COL26A1: variants seen among roughly 807,000 people sequenced by gnomAD.
The protein encoded by COL26A1 is collagen alpha-1(XXVI) chain.
In COL26A1, 41 loss-of-function variants were observed where a neutral mutation model predicts 59.3. That is an observed-to-expected ratio of 0.69 (90% confidence interval 0.54 to 0.90). The LOEUF (loss-of-function observed/expected upper bound fraction) is 0.90, where lower values mean the gene tolerates loss of function less well. Among genes scored for constraint, COL26A1 ranks in the 40% least tolerant of loss-of-function variants. COL26A1 has a pLI of 0.00. For missense variants in COL26A1, 612 were observed against 602.3 expected (o/e 1.02, Z -0.17); for synonymous variants, 266 against 256.0 (o/e 1.04, Z -0.37).
intron 3 of COL26A1, 131 bp downstream of exon 3, chr7:101,447,918 G>T (rs879151438): frequency 3.0e-6 from 2 of 657,576 alleles, no homozygotes; most frequent in Admixed American, 2.3e-5. Flanking sequence ...TTTCCCAATC[G>T]CCTCTGAAGC....
At chr7:101,544,223 G>A (rs563110409) in intron 6 of COL26A1, 127 bp downstream of exon 6, 1 of 665,506 alleles carries the variant, frequency 1.5e-6, no homozygotes. Context: ...CAGAAAAACG[G>A]GGTCTTTTTT....
chr7:101,527,809 C>T (rs1331338617), intron 3 of COL26A1, among the ~76,000 whole-genome samples: 1 of 151,970 alleles, frequency 6.6e-6, no homozygotes, highest in Non-Finnish European at 1.5e-5. Flanking sequence ...AGTGTGTTCT[C>T]GGAGGGGCCA....
At position 101,553,626 on chromosome 7, in the gene COL26A1, TG is replaced by T. The variant is rs565739948; in HGVS notation, c.1080+257del. On this transcript the variant is annotated intron_variant, in intron 11 of 12. Transcript: ENST00000313669. Reference sequence around the variant, plus strand: ...TGCCACAGAGGGGGTGATTGGCCCTTGGGGGGGCTTCCCGGGACAGGGAGAG... The same window carrying T: ...TGCCACAGAGGGGGTGATTGGCCCTTGGGGGGCTTCCCGGGACAGGGAGAG... Among the ~76,000 whole-genome samples the T allele has an allele frequency of 2.5e-3, 380 of 151,812 alleles. 1 individual carries two copies. Among genetic ancestry groups the T allele is most frequent in the African/African-American group, 9.0e-3 (373 of 41,400 alleles).
At chr7:101,393,501 C>T (rs1052761347) in intron 1 of COL26A1, among the ~76,000 whole-genome samples, 4 of 152,122 alleles carry the variant, frequency 2.6e-5, no homozygotes, top group Non-Finnish European at 4.4e-5. Flanking sequence ...GAGATGGTGC[C>T]CACCCAGATT....
At chr7:101,556,210 G>A (rs1270754375) in intron 12 of COL26A1, among the ~76,000 whole-genome samples, 3 of 152,274 alleles carry the variant, frequency 2.0e-5, no homozygotes, top group South Asian at 4.1e-4. Flanking sequence ...CAAAGATCTC[G>A]GCCTCTGTGA....
At chr7:101,482,142 G>C (rs1487567935) in intron 3 of COL26A1, among the ~76,000 whole-genome samples, 2 of 151,908 alleles carry the variant, frequency 1.3e-5, no homozygotes, top group African/African-American at 2.4e-5. Context: ...GAGTAGCTGA[G>C]ATTACAGGTG....
intron 4 of COL26A1, among the ~76,000 whole-genome samples, chr7:101,535,978 G>T (rs1339280127): frequency 6.6e-6 from 1 of 152,218 alleles, no homozygotes; most frequent in East Asian, 1.9e-4. Flanking sequence ...AGCACCTTCT[G>T]GCCGCCCACC....
At chr7:101,386,177 T>C (rs981924102) in intron 1 of COL26A1, among the ~76,000 whole-genome samples, 2 of 151,608 alleles carry the variant, frequency 1.3e-5, no homozygotes, top group Non-Finnish European at 2.9e-5. Context: ...ATGCTGCAGT[T>C]GGCCAGACTG....
intron 2 of COL26A1, among the ~76,000 whole-genome samples, chr7:101,440,375 A>G (rs888834322): frequency 2.6e-5 from 4 of 152,164 alleles, no homozygotes; most frequent in Non-Finnish European, 5.9e-5. Flanking sequence ...CAAAACAAAA[A>G]AACAACAAAA....
At chr7:101,529,323 C>T (rs901300340) in intron 3 of COL26A1, among the ~76,000 whole-genome samples, 4 of 152,030 alleles carry the variant, frequency 2.6e-5, no homozygotes, top group Non-Finnish European at 5.9e-5. Context: ...GGCTGGAGTG[C>T]GATGGCTTGA....
intron 3 of COL26A1, among the ~76,000 whole-genome samples, chr7:101,483,103 C>G (rs1381337031): frequency 2.0e-5 from 3 of 152,130 alleles, no homozygotes; most frequent in East Asian, 3.9e-4. Context: ...TGACCATGGT[C>G]TGCTTTAAGG....
chr7:101,547,239 G>T lies in COL26A1; in HGVS notation c.940G>T (p.Gly314Cys). ...ACCCCGGGGTCCCCCTGGTCCACCAGGTAAGTGAATGGTGGGCTGGCCTGC... is the reference window on the plus strand; with the variant it reads ...ACCCCGGGGTCCCCCTGGTCCACCATGTAAGTGAATGGTGGGCTGGCCTGC... ...PGPRGPPGPP[G>C]PPGPRGPPGP... Residue 314 changes from glycine to cysteine, a missense_variant and splice_region_variant, in exon 8 of 13, where the codon GGT (glycine) becomes TGT (cysteine). Physicochemically the swap from Gly to Cys is radical, Grantham distance 159. Coordinates refer to ENST00000313669, the MANE Select transcript of COL26A1 (RefSeq NM_001278563.3). The T allele has an allele frequency of 6.4e-7, 1 of 1,572,352 alleles. No individual in the cohort carries two copies. Among genetic ancestry groups the T allele is most frequent in the Non-Finnish European group, 8.6e-7 (1 of 1,159,078 alleles).
chr7:101,546,708 AC>A (rs1795743864), intron 7 of COL26A1, among the ~76,000 whole-genome samples: 1 of 151,962 alleles, frequency 6.6e-6, no homozygotes, highest in South Asian at 2.1e-4. Flanking sequence ...AACAGACTCC[AC>A]CCCTGCTCCA....
chr7:101,390,155 T>G (rs1445583730), intron 1 of COL26A1, among the ~76,000 whole-genome samples: 7 of 113,236 alleles, frequency 6.2e-5, no homozygotes, highest in African/African-American at 2.6e-4. Flanking sequence ...AGGGTTTTTT[T>G]TTTTTTTTTT....
At chr7:101,465,459 G>A (rs1359440156) in intron 3 of COL26A1, among the ~76,000 whole-genome samples, 1 of 152,064 alleles carries the variant, frequency 6.6e-6, no homozygotes, top group East Asian at 1.9e-4. Flanking sequence ...TCAGATTACA[G>A]GTGTGAGCCA....
intron 3 of COL26A1, among the ~76,000 whole-genome samples, chr7:101,496,757 G>A (rs1274572439): frequency 1.3e-5 from 2 of 151,922 alleles, no homozygotes; most frequent in Non-Finnish European, 1.5e-5. Context: ...GTGATGGCGC[G>A]TGCCTGTAAT....
At chr7:101,379,759 T>A (rs756715541) in intron 1 of COL26A1, among the ~76,000 whole-genome samples, 13 of 152,188 alleles carry the variant, frequency 8.5e-5, no homozygotes, top group Non-Finnish European at 1.6e-4. Context: ...AAGATGGAGA[T>A]GAGAGTGACC....
intron 1 of COL26A1, among the ~76,000 whole-genome samples, chr7:101,375,858 T>C (rs1046753953): frequency 2.7e-5 from 4 of 150,686 alleles, no homozygotes; most frequent in Non-Finnish European, 4.4e-5. Context: ...TGGTGGCGGG[T>C]GCCTGTAGTC....
intron 5 of COL26A1, among the ~76,000 whole-genome samples, chr7:101,542,133 C>T (rs1380921097): frequency 6.6e-6 from 1 of 151,888 alleles, no homozygotes; most frequent in Non-Finnish European, 1.5e-5. Flanking sequence ...AGCCCCGCTA[C>T]TTTTTGCATT....
Sources: gnomAD v4.1 joint callset for allele counts (sites outside exome capture counted in the v4.1 genomes callset) on GRCh38, gnomAD v4.1.1 for gene constraint, MANE v1.5 for transcripts, NCBI Gene and HGNC (gene_info 2026-07-23, HGNC 2026-07-21) for gene names.